PRDM2: variants seen among roughly 807,000 people sequenced by gnomAD.
PRDM2 encodes the protein PR domain zinc finger protein 2.
PRDM2 carries 30 observed loss-of-function variants against 130.0 expected under a neutral mutation model. The ratio of observed to expected loss-of-function variants is 0.23; its 90% confidence interval spans 0.17 to 0.31. PRDM2 has a LOEUF of 0.31. PRDM2 is among the 10% of genes least tolerant of loss of function. The probability of loss-of-function intolerance (pLI) is 1.00; values close to 1 mark genes in which losing one functional copy is unlikely to be tolerated. For synonymous variants in PRDM2, 871 were observed against 782.4 expected (o/e 1.11, Z -1.89); for missense variants, 2,011 against 2,108.4 (o/e 0.95, Z 0.90).
At chr1:13,700,609 G>A (rs1340483182) in intron 1 of PRDM2, among the ~76,000 whole-genome samples, 2 of 151,396 alleles carry the variant, frequency 1.3e-5, no homozygotes, top group Non-Finnish European at 2.9e-5. Flanking sequence ...GCCCCGCGGG[G>A]GACGCGTGCG....
intron 8 of PRDM2, among the ~76,000 whole-genome samples, chr1:13,799,139 G>A (rs1369009937): frequency 6.6e-6 from 1 of 152,156 alleles, no homozygotes; most frequent in Non-Finnish European, 1.5e-5. Context: ...GCCTAAGGAA[G>A]AACAGAGAAT....
At chr1:13,820,066 G>A (rs1445198076) in intron 9 of PRDM2, among the ~76,000 whole-genome samples, 2 of 152,172 alleles carry the variant, frequency 1.3e-5, no homozygotes, top group African/African-American at 2.4e-5. Flanking sequence ...TTACAGAGAC[G>A]GAAACTGACA....
In PRDM2 at chr1:13,800,385, G is replaced by A. The variant is rs75492569; in HGVS notation, c.5037-16042G>A. Among the ~76,000 whole-genome samples, 13 of 152,328 alleles carry A rather than the reference G, an allele frequency of 8.5e-5. No homozygotes were observed. In the East Asian group the frequency reaches 1.2e-3, roughly 14 times the overall value. On this transcript the variant is annotated intron_variant, in intron 8 of 9. Coordinates refer to ENST00000311066, the MANE Select transcript of PRDM2 (RefSeq NM_001393986.1). ...AGTGGGGCTCAGGAGGGGGCATCCC[G>A]CCTTACAAAGAAGAAGACAGCTGGG... is the stretch of plus-strand genomic sequence containing the variant.
At position 13,710,410 on chromosome 1, in the gene PRDM2, T is replaced by A. The variant is rs541358387; in HGVS notation, c.-65-5131T>A. ...TATTTTATTGTGGTTATATTGATAC[T>A]GATCATTAATCATCAAATCATCTTT... On this transcript the variant is annotated intron_variant, in intron 1 of 9. Transcript: ENST00000311066. Among the ~76,000 whole-genome samples the A allele has an allele frequency of 2.4e-4, 37 of 152,384 alleles. No individual in the cohort carries two copies. The South Asian group carries it at 3.3e-3, about 14-fold the overall frequency.
rs759261559 is a variant in PRDM2 at position 13,803,027 on chromosome 1, G to T, written c.5037-13400G>T. On this transcript the variant is annotated intron_variant, in intron 8 of 9. Transcript: ENST00000311066. The surrounding 1 kb of genome is among the most constrained non-coding windows in gnomAD (Gnocchi z 6.2). Reference sequence around the variant, plus strand: ...CTCTCACCCGGGCTGGTCGTGTCACGGGCAGTGACGGTGTTTCCAGCCGAG... The same window carrying T: ...CTCTCACCCGGGCTGGTCGTGTCACTGGCAGTGACGGTGTTTCCAGCCGAG... Among the ~76,000 whole-genome samples the T allele has an allele frequency of 1.3e-5, 2 of 152,170 alleles. No homozygotes were observed. The highest frequency in any genetic ancestry group is 1.3e-4 in the Admixed American group (2 of 15,284).
chr1:13,709,521 G>C (rs1352401267), intron 1 of PRDM2, among the ~76,000 whole-genome samples: 1 of 152,190 alleles, frequency 6.6e-6, no homozygotes, highest in African/African-American at 2.4e-5. Flanking sequence ...AGTAAGGTCA[G>C]TGTTAGACGA....
intron 2 of PRDM2, among the ~76,000 whole-genome samples, chr1:13,717,807 T>A (rs1356596363): frequency 6.6e-6 from 1 of 152,208 alleles, no homozygotes; most frequent in African/African-American, 2.4e-5. Context: ...CTTATGTTTC[T>A]AATGGTTAAC....
At chr1:13,715,662 G>T in intron 2 of PRDM2, 48 bp downstream of exon 2, 2 of 1,507,752 alleles carry the variant, frequency 1.3e-6, no homozygotes, top group South Asian at 2.5e-5. Flanking sequence ...CTAGATGTTA[G>T]ACCAGCTCTT....
chr1:13,747,335 A>G (rs148083342), intron 5 of PRDM2, among the ~76,000 whole-genome samples: 131 of 152,372 alleles, frequency 8.6e-4, no homozygotes, highest in Non-Finnish European at 1.3e-3. Context: ...ACAAAAAAAT[A>G]GAGAAAGTAT....
At chr1:13,796,346 A>G (rs577483791) in intron 8 of PRDM2, among the ~76,000 whole-genome samples, 1 of 152,306 alleles carries the variant, frequency 6.6e-6, no homozygotes, top group African/African-American at 2.4e-5. Flanking sequence ...TCCTGTTAAT[A>G]TCATATGTAA....
At chr1:13,713,544 T>A (rs910434184) in intron 1 of PRDM2, among the ~76,000 whole-genome samples, 3 of 152,306 alleles carry the variant, frequency 2.0e-5, no homozygotes, top group Non-Finnish European at 2.9e-5. Context: ...ATGATTCTTG[T>A]GAGAGGGAAA....
Position 13,816,547 on chromosome 1 carries a change from G to A in PRDM2, c.5157G>A (p.Ter1719=), listed in dbSNP as rs1473963487. 3 of 1,614,026 alleles carry A rather than the reference G, an allele frequency of 1.9e-6. No homozygotes were observed. Among genetic ancestry groups the A allele is most frequent in the African/African-American group, 2.7e-5 (2 of 74,914 alleles). ...AQFQGPFFKE[*] Reference sequence around the variant, plus strand: ...TCCAGGGACCATTCTTCAAAGAGTAGACACTCTGGCTGCTCCCTGACAGGT... The same window carrying A: ...TCCAGGGACCATTCTTCAAAGAGTAAACACTCTGGCTGCTCCCTGACAGGT... The change falls in exon 9 of 10, where the codon TAG becomes TAA. Residue 1719 remains the stop codon, a stop_retained_variant. Coordinates refer to ENST00000311066, the MANE Select transcript of PRDM2 (RefSeq NM_001393986.1).
intron 8 of PRDM2, among the ~76,000 whole-genome samples, chr1:13,790,439 G>A (rs1644821189): frequency 6.6e-6 from 1 of 152,076 alleles, no homozygotes. Context: ...GGAGGTGGTG[G>A]GCCTTGAGGG....
rs1295312154 is a variant in PRDM2, at chr1:13,778,959, T to G, written c.1164T>G (p.His388Gln). Residue 388 changes from histidine (H) to glutamine (Q), a missense_variant, in exon 8 of 10, where the codon CAT becomes CAG. His to Gln is a conservative substitution (Grantham distance 24). Around this residue, in one of 5 missense-constraint regions of PRDM2, gnomAD observed 1,288 missense variants for 1,237.7 expected, o/e 1.04. Coordinates refer to ENST00000311066, the MANE Select transcript of PRDM2 (RefSeq NM_001393986.1). ...HMHIHISTVN[H>Q]AFKCKYCGKA... is the part of the protein sequence containing the mutation. Reference sequence around the variant, plus strand: ...ATATCCATATATCCACCGTCAATCATGCTTTCAAATGCAAGTACTGTGGGA... The same window carrying G: ...ATATCCATATATCCACCGTCAATCAGGCTTTCAAATGCAAGTACTGTGGGA... The G allele has an allele frequency of 5.6e-6, 9 of 1,614,202 alleles. No homozygotes were observed. Among genetic ancestry groups the G allele is most frequent in the Non-Finnish European group, 7.6e-6 (9 of 1,180,036 alleles).
chr1:13,736,630 G>A (rs1281799793), intron 4 of PRDM2, among the ~76,000 whole-genome samples: 4 of 151,560 alleles, frequency 2.6e-5, no homozygotes, highest in African/African-American at 7.3e-5. Flanking sequence ...TATAAATGTT[G>A]TCAAAAAGTT....
intron 9 of PRDM2, 122 bp from the exon 10 acceptor site, chr1:13,823,037 A>C: frequency 1.0e-6 from 1 of 955,180 alleles, no homozygotes; most frequent in Non-Finnish European, 1.6e-6. Flanking sequence ...TTTTTGCTCT[A>C]TGTATGGTAT....
In PRDM2 at chr1:13,731,128, C is replaced by T; in HGVS notation, c.127+11C>T. The T allele has an allele frequency of 1.2e-6, 2 of 1,605,818 alleles. No homozygotes were observed. The highest frequency in any genetic ancestry group is 2.2e-5 in the East Asian group (1 of 44,726). ...ACAAGACCCGGATTGGTGAGTGCTC[C>T]TCCTGTCACGGAGCAAGTCAGGCAG... is the stretch of plus-strand genomic sequence containing the variant. On this transcript the variant is annotated intron_variant, in intron 3 of 9. Coordinates refer to ENST00000311066, the MANE Select transcript of PRDM2 (RefSeq NM_001393986.1).
chr1:13,747,571 G>A (rs1468720749), intron 5 of PRDM2, among the ~76,000 whole-genome samples: 1 of 152,018 alleles, frequency 6.6e-6, no homozygotes, highest in Non-Finnish European at 1.5e-5. Flanking sequence ...AGGGGTGGGT[G>A]AGAGCCAAGG....
At chr1:13,762,827 C>A (rs1001868383) in intron 6 of PRDM2, among the ~76,000 whole-genome samples, 20 of 152,072 alleles carry the variant, frequency 1.3e-4, no homozygotes, top group African/African-American at 4.3e-4. Flanking sequence ...TCCTCCCCTG[C>A]GATTATGTGG....
Sources: gnomAD v4.1 joint callset for allele counts (sites outside exome capture counted in the v4.1 genomes callset) on GRCh38, gnomAD v4.1.1 for gene constraint, gnomAD v4.1.1 regional missense constraint, Gnocchi (gnomAD v3.1) non-coding constraint, MANE v1.5 for transcripts, NCBI Gene and HGNC (gene_info 2026-07-23, HGNC 2026-07-21) for gene names.